The following RETREG1 variants were observed in gnomAD, a reference collection of about 807,000 sequenced individuals.
RETREG1 encodes family with sequence similarity 134 member B.
A neutral mutation model predicts 54.8 loss-of-function variants in RETREG1; 44 were observed. The ratio of observed to expected loss-of-function variants is 0.80; its 90% confidence interval spans 0.63 to 1.03. The LOEUF (loss-of-function observed/expected upper bound fraction) is 1.03. Ranked by LOEUF, RETREG1 falls within the 50% of genes least tolerant of loss-of-function variation. The probability of loss-of-function intolerance (pLI) is 0.00; values close to 1 mark genes in which losing one functional copy is unlikely to be tolerated. For synonymous variants in RETREG1, 217 were observed against 238.5 expected (o/e 0.91, Z 0.83); for missense variants, 554 against 605.1 (o/e 0.92, Z 0.89).
At chr5:16,598,090 A>G (rs568121279) in intron 1 of RETREG1, among the ~76,000 whole-genome samples, 12 of 151,762 alleles carry the variant, frequency 7.9e-5, no homozygotes, top group African/African-American at 2.9e-4. Flanking sequence ...ACCACACGGA[A>G]CTCTGTGCAC....
chr5:16,479,109 C>G (rs1738660870), intron 5 of RETREG1, 122 bp from the exon 6 acceptor site: 1 of 937,664 alleles, frequency 1.1e-6, no homozygotes, highest in Admixed American at 2.5e-5. Context: ...AAGGGAAATG[C>G]CATTGTGAAA....
intron 1 of RETREG1, among the ~76,000 whole-genome samples, chr5:16,613,689 A>T (rs570815781): frequency 6.6e-6 from 1 of 152,364 alleles, no homozygotes; most frequent in Admixed American, 6.5e-5. Flanking sequence ...CATCAATTAA[A>T]GTGAAAACAA....
At chr5:16,522,225 A>T (rs1049592530) in intron 3 of RETREG1, among the ~76,000 whole-genome samples, 2 of 152,174 alleles carry the variant, frequency 1.3e-5, no homozygotes, top group African/African-American at 4.8e-5. Context: ...TGGAAAAAAA[A>T]AAAAGGCCTT....
chr5:16,490,763 T>A (rs12186470), intron 3 of RETREG1, among the ~76,000 whole-genome samples: 33,324 of 152,066 alleles, frequency 0.22, 4,025 homozygotes, highest in Middle Eastern at 0.29. Context: ...TGGGGCGAGA[T>A]ACAGAAAAAA....
intron 3 of RETREG1, among the ~76,000 whole-genome samples, chr5:16,520,128 AAGGCCAGGAGAGC>A: frequency 6.6e-6 from 1 of 152,106 alleles, no homozygotes; most frequent in East Asian, 1.9e-4. Context: ...GGTGGGAGAG[AAGGCCAGGAGAGC>A]AGGACATGGA....
At chr5:16,482,260 A>C (rs900107292) in intron 4 of RETREG1, among the ~76,000 whole-genome samples, 3 of 152,056 alleles carry the variant, frequency 2.0e-5, no homozygotes, top group African/African-American at 7.2e-5. Flanking sequence ...TCCAGAATTT[A>C]GTTTTACAAA....
intron 1 of RETREG1, among the ~76,000 whole-genome samples, chr5:16,583,184 C>CA: frequency 6.6e-6 from 1 of 152,112 alleles, no homozygotes; most frequent in South Asian, 2.1e-4. Flanking sequence ...TGGCTAACTA[C>CA]AAAAAATATT....
intron 3 of RETREG1, among the ~76,000 whole-genome samples, chr5:16,551,995 G>A (rs1038147175): frequency 6.6e-6 from 1 of 152,122 alleles, no homozygotes; most frequent in African/African-American, 2.4e-5. Flanking sequence ...CCTTTGTGAT[G>A]ACATGGGGCC....
intron 3 of RETREG1, among the ~76,000 whole-genome samples, chr5:16,553,032 T>C (rs376066762): frequency 7.2e-5 from 11 of 152,264 alleles, no homozygotes; most frequent in South Asian, 4.1e-4. Flanking sequence ...ACAGCCCTTG[T>C]ATTGGTATAA....
chr5:16,526,591 TG>T (rs1757805848), intron 3 of RETREG1, among the ~76,000 whole-genome samples: 1 of 152,172 alleles, frequency 6.6e-6, no homozygotes, highest in African/African-American at 2.4e-5. Flanking sequence ...AAGAAGACAG[TG>T]ACAGAAGGAG....
chr5:16,559,813 A>T (rs1276745975), intron 3 of RETREG1, among the ~76,000 whole-genome samples: 1 of 152,234 alleles, frequency 6.6e-6, no homozygotes, highest in Non-Finnish European at 1.5e-5. Context: ...GACTTTATTC[A>T]ATCAAATGCT....
At chr5:16,571,037 G>A (rs1477641669) in intron 2 of RETREG1, among the ~76,000 whole-genome samples, 1 of 152,152 alleles carries the variant, frequency 6.6e-6, no homozygotes. Flanking sequence ...ATCTAAAGAT[G>A]GTTTACATGA....
intron 3 of RETREG1, among the ~76,000 whole-genome samples, chr5:16,553,361 A>G (rs1462723669): frequency 6.6e-6 from 1 of 151,980 alleles, no homozygotes; most frequent in Non-Finnish European, 1.5e-5. Flanking sequence ...AAGAGCACAT[A>G]AATATGGTAC....
intron 1 of RETREG1, among the ~76,000 whole-genome samples, chr5:16,582,469 C>T (rs1742514966): frequency 6.6e-6 from 1 of 151,918 alleles, no homozygotes; most frequent in Non-Finnish European, 1.5e-5. Flanking sequence ...TAACCAACTG[C>T]CTTATCCCAC....
intron 3 of RETREG1, among the ~76,000 whole-genome samples, chr5:16,516,661 C>T (rs768520455): frequency 4.6e-5 from 7 of 152,178 alleles, no homozygotes; most frequent in Non-Finnish European, 8.8e-5. Flanking sequence ...ACTCTTGCCT[C>T]TAGTGTGCCC....
chr5:16,486,198 G>C (rs560759957), intron 3 of RETREG1, among the ~76,000 whole-genome samples: 120 of 152,266 alleles, frequency 7.9e-4, no homozygotes, highest in African/African-American at 2.9e-3. Context: ...TTTGTAAAGA[G>C]TAATAAGTGT....
chr5:16,570,221 T>C (rs1298811898), intron 2 of RETREG1, among the ~76,000 whole-genome samples: 4 of 152,230 alleles, frequency 2.6e-5, no homozygotes, highest in Non-Finnish European at 1.5e-5. Flanking sequence ...TGGCATTCTT[T>C]CTATTCTACT....
At chr5:16,496,153 C>T (rs1739448130) in intron 3 of RETREG1, among the ~76,000 whole-genome samples, 1 of 152,176 alleles carries the variant, frequency 6.6e-6, no homozygotes, top group Admixed American at 6.5e-5. Context: ...GCAACTTACT[C>T]TTACTCTCTC....
chr5:16,547,887 T>C (rs1741430373), intron 3 of RETREG1, among the ~76,000 whole-genome samples: 2 of 152,212 alleles, frequency 1.3e-5, no homozygotes, highest in South Asian at 4.2e-4. Flanking sequence ...TGGATAAAAT[T>C]AATAATTATG....
Sources: gnomAD v4.1 joint callset for allele counts (sites outside exome capture counted in the v4.1 genomes callset) on GRCh38, gnomAD v4.1.1 for gene constraint, MANE v1.5 for transcripts, NCBI Gene and HGNC (gene_info 2026-07-23, HGNC 2026-07-21) for gene names.